The following NYAP2 variants were observed in gnomAD, a reference collection of about 807,000 sequenced individuals.
The protein encoded by NYAP2 is neuronal tyrosine-phosphorylated phosphoinositide-3-kinase adaptor 2.
A neutral mutation model predicts 50.4 loss-of-function variants in NYAP2; 23 were observed. The observed-to-expected ratio is 0.46, with a 90% CI of 0.33 to 0.65. NYAP2 has a LOEUF of 0.65. NYAP2 is among the 30% of genes least tolerant of loss of function. The probability of loss-of-function intolerance (pLI) is 0.02; values close to 1 mark genes in which losing one functional copy is unlikely to be tolerated. For missense variants in NYAP2, 885 were observed against 861.0 expected (o/e 1.03, Z -0.35); for synonymous variants, 394 against 365.2 (o/e 1.08, Z -0.90).
At chr2:225,586,154 A>T (rs1692386299) in intron 5 of NYAP2, among the ~76,000 whole-genome samples, 1 of 152,202 alleles carries the variant, frequency 6.6e-6, no homozygotes, top group Non-Finnish European at 1.5e-5. Flanking sequence ...AAGGAAAACG[A>T]TGTCAAATAA....
intron 4 of NYAP2, among the ~76,000 whole-genome samples, chr2:225,527,836 C>A (rs1430501466): frequency 3.3e-5 from 5 of 152,186 alleles, no homozygotes; most frequent in Admixed American, 6.6e-5. Context: ...TTTGTAGAGA[C>A]AAGGTCTTGT....
chr2:225,459,670 G>C (rs1689793648), intron 3 of NYAP2, among the ~76,000 whole-genome samples: 1 of 151,568 alleles, frequency 6.6e-6, no homozygotes, highest in South Asian at 2.1e-4. Flanking sequence ...TTGAGATGGT[G>C]TCTCGCTCTG....
intron 5 of NYAP2, among the ~76,000 whole-genome samples, chr2:225,615,099 C>A (rs1692965413): frequency 6.6e-6 from 1 of 152,118 alleles, no homozygotes; most frequent in South Asian, 2.1e-4. Context: ...TAGCATATGT[C>A]ATTTCCACCT....
chr2:225,672,495 A>C, the NYAP2 span, among the ~76,000 whole-genome samples: 263 of 152,292 alleles, frequency 1.7e-3, 2 homozygotes, highest in Middle Eastern at 3.4e-3. Flanking sequence ...AACTTTCTCC[A>C]TATCAGCAAG....
chr2:225,516,858 A>G (rs1391210440), intron 4 of NYAP2, among the ~76,000 whole-genome samples: 1 of 152,210 alleles, frequency 6.6e-6, no homozygotes, highest in Non-Finnish European at 1.5e-5. Context: ...AACATAAAAA[A>G]TAACTTTTAT....
At chr2:225,461,956 T>C (rs1689841544) in intron 3 of NYAP2, among the ~76,000 whole-genome samples, 1 of 152,220 alleles carries the variant, frequency 6.6e-6, no homozygotes, top group Non-Finnish European at 1.5e-5. Context: ...GCGGTATAAT[T>C]GAATGTGGGT....
intron 4 of NYAP2, among the ~76,000 whole-genome samples, chr2:225,578,924 A>G (rs1227032965): frequency 2.6e-5 from 4 of 152,184 alleles, no homozygotes; most frequent in Non-Finnish European, 5.9e-5. Context: ...GGGGCTAAAC[A>G]TTCAAAATCA....
chr2:225,618,248 C>T (rs370736676), intron 5 of NYAP2, among the ~76,000 whole-genome samples: 239 of 152,284 alleles, frequency 1.6e-3, no homozygotes, highest in African/African-American at 5.6e-3. Context: ...TCACCTTGAT[C>T]CAAAGAAGAT....
intron 4 of NYAP2, among the ~76,000 whole-genome samples, chr2:225,581,366 C>T (rs528404829): frequency 8.5e-5 from 13 of 152,338 alleles, no homozygotes; most frequent in Middle Eastern, 3.4e-3. Context: ...AAGATTTTCA[C>T]ATCAATTTCC....
the NYAP2 span, among the ~76,000 whole-genome samples, chr2:225,677,606 AT>A: frequency 7.4e-4 from 112 of 151,246 alleles, no homozygotes; most frequent in African/African-American, 2.3e-3. Flanking sequence ...TCTGTTGAGG[AT>A]TTTTTTTTAT....
At chr2:225,581,820 C>T in intron 4 of NYAP2, 121 bp from the exon 5 acceptor site, 1 of 936,136 alleles carries the variant, frequency 1.1e-6, no homozygotes. Flanking sequence ...GAAACTCAAA[C>T]TAAGAATGAA....
At chr2:225,406,440 C>CTAAATACTAGTGAAGTCCACCTA (rs1176212541) in intron 2 of NYAP2, among the ~76,000 whole-genome samples, 3 of 151,920 alleles carry the variant, frequency 2.0e-5, no homozygotes, top group Non-Finnish European at 2.9e-5. Flanking sequence ...CCACCTAAAT[C>CTAAATACTAGTGAAGTCCACCTA]AACACTAGTC....
intron 3 of NYAP2, among the ~76,000 whole-genome samples, chr2:225,441,040 T>A (rs1689461987): frequency 6.6e-6 from 1 of 152,150 alleles, no homozygotes; most frequent in African/African-American, 2.4e-5. Flanking sequence ...TAACCATAAC[T>A]CTTTTCTGAT....
Position 225,649,473 on chromosome 2 carries a change from A to G in NYAP2, c.1829-1959A>G, listed in dbSNP as rs1167798200. ...AACACAGTGGATACTCTGATAAATG[A>G]TATCACAGCACCCTCTACGTCTTCC... On this transcript the variant is annotated intron_variant, in intron 6 of 6. Transcript: ENST00000636099. Among the ~76,000 whole-genome samples, 6 of 152,162 alleles carry G rather than the reference A, an allele frequency of 3.9e-5. No homozygotes were observed. The East Asian group carries it at 5.8e-4, about 15-fold the overall frequency.
chr2:225,643,540 C>T (rs2106267444), intron 6 of NYAP2, among the ~76,000 whole-genome samples: 1 of 151,726 alleles, frequency 6.6e-6, no homozygotes, highest in Admixed American at 6.6e-5. Context: ...GTGCGCTGCA[C>T]CCACTAACTT....
At chr2:225,550,912 G>C (rs866430333) in intron 4 of NYAP2, among the ~76,000 whole-genome samples, 4 of 152,138 alleles carry the variant, frequency 2.6e-5, no homozygotes, top group Non-Finnish European at 5.9e-5. Flanking sequence ...TTTTTATTTA[G>C]TGATGTTCTA....
chr2:225,652,323 A>T (rs11681238), exon 7 of NYAP2: 79,325 of 151,990 alleles, frequency 0.52, 21,230 homozygotes, highest in Admixed American at 0.66. Flanking sequence ...AAATGTTCTC[A>T]GAAAGGGAAT....
intron 4 of NYAP2, among the ~76,000 whole-genome samples, chr2:225,538,741 C>T (rs759689674): frequency 3.4e-5 from 5 of 148,770 alleles, no homozygotes; most frequent in African/African-American, 1.2e-4. Flanking sequence ...AATTTCTCCT[C>T]AGAAAATGAG....
chr2:225,673,046 T>C, the NYAP2 span, among the ~76,000 whole-genome samples: 3 of 150,646 alleles, frequency 2.0e-5, no homozygotes, highest in East Asian at 5.8e-4. Flanking sequence ...GGACTTACAG[T>C]TCCGCATGGC....
Sources: gnomAD v4.1 joint callset for allele counts (sites outside exome capture counted in the v4.1 genomes callset) on GRCh38, gnomAD v4.1.1 for gene constraint, MANE v1.5 for transcripts, NCBI Gene and HGNC (gene_info 2026-07-23, HGNC 2026-07-21) for gene names.